PCNT: variants seen among roughly 807,000 people sequenced by gnomAD.
The protein encoded by PCNT is kendrin.
Under a neutral mutation model 380.4 loss-of-function variants are expected in PCNT, and 319 were observed. The ratio of observed to expected loss-of-function variants is 0.84; its 90% CI spans 0.77 to 0.92. PCNT has a LOEUF of 0.92. Ranked by LOEUF, PCNT falls within the 40% of genes least tolerant of loss-of-function variation. The pLI is 0.00. For synonymous variants in PCNT, 1,845 were observed against 1,735.2 expected, an observed-to-expected ratio of 1.06 and a Z score of -1.57; for missense variants, 4,400 against 4,255.3, an observed-to-expected ratio of 1.03 and a Z score of -0.95.
chr21:46,424,070 G>T (rs952213851), intron 32 of PCNT, among the ~76,000 whole-genome samples: 22 of 152,306 alleles, frequency 1.4e-4, no homozygotes, highest in African/African-American at 5.1e-4. Context: ...GGAGCTGGGT[G>T]CTTGCCCCAC....
At chr21:46,444,604 C>A in intron 45 of PCNT, 90 bp from the exon 46 acceptor site, 1 of 1,464,830 alleles carries the variant, frequency 6.8e-7, no homozygotes, top group African/African-American at 1.4e-5. Flanking sequence ...TGGTGCCTTT[C>A]TTCTGCACTC....
At chr21:46,404,379 T>G (rs147282060) in intron 27 of PCNT, among the ~76,000 whole-genome samples, 1 of 142,562 alleles carries the variant, frequency 7.0e-6, no homozygotes, top group Non-Finnish European at 1.6e-5. Context: ...TGTTTTGATA[T>G]GGTTGTTGTT....
Position 46,353,094 on chromosome 21 carries a change from T to C in PCNT, c.1457-10T>C, listed in dbSNP as rs781522568. 6.2e-7 allele frequency: 1 copy of C among 1,609,582 alleles called. No individual in the cohort carries two copies. Among genetic ancestry groups the C allele is most frequent in the East Asian group, 2.2e-5 (1 of 44,872 alleles). On this transcript the variant is annotated splice_polypyrimidine_tract_variant and intron_variant, in intron 9 of 46. Coordinates refer to ENST00000359568, the MANE Select transcript of PCNT (RefSeq NM_006031.6). ...TTTTAAGACGATTGCCTGACTCCGT[T>C]ATGTTGCAGAGCTACATGAGCAACT...
intron 44 of PCNT, 164 bp downstream of exon 44, chr21:46,442,737 C>T (rs1369311639): frequency 5.9e-6 from 4 of 674,490 alleles, no homozygotes; most frequent in Non-Finnish European, 1.1e-5. Flanking sequence ...GAAGGCGCGC[C>T]CGGCGTAGGG....
intron 26 of PCNT, 84 bp downstream of exon 26, chr21:46,401,805 A>G (rs1014490782): frequency 7.8e-7 from 1 of 1,284,744 alleles, no homozygotes; most frequent in Non-Finnish European, 1.1e-6. Flanking sequence ...ATGTCCAGAT[A>G]ACACAGGCGA....
At chr21:46,389,565 C>A in intron 19 of PCNT, 134 bp downstream of exon 19, 1 of 675,444 alleles carries the variant, frequency 1.5e-6, no homozygotes, top group South Asian at 1.9e-5. Context: ...TTTTCTGAAC[C>A]AGATCTTTGA....
rs777167312 is a variant in PCNT, at chr21:46,430,668, G to A, written c.8064+11G>A. 5 of 1,565,626 alleles carry A rather than the reference G, an allele frequency of 3.2e-6. No individual in the cohort carries two copies. The highest frequency in any genetic ancestry group is 2.4e-5 in the East Asian group (1 of 42,466). ...GCCAAGGCCCTGGAGGTAACAGGGT[G>A]TCAGGGCAAGGCAGCCGGCATGGGC... On this transcript the variant is annotated intron_variant, in intron 37 of 46. Transcript: ENST00000359568.
chr21:46,445,532 G>C lies in PCNT; in HGVS notation c.*205G>C. ...AGCATTTTCTATGGAGCCTCCGTATGTTTTAGGCCCATGACCTTCGTGAGG... is the reference window on the plus strand; with the variant it reads ...AGCATTTTCTATGGAGCCTCCGTATCTTTTAGGCCCATGACCTTCGTGAGG... On this transcript the variant is annotated 3_prime_UTR_variant, in exon 47 of 47. Coordinates refer to ENST00000359568, the MANE Select transcript of PCNT (RefSeq NM_006031.6). The C allele has an allele frequency of 1.6e-6, 1 of 610,904 alleles. No homozygotes were observed. Among genetic ancestry groups the C allele is most frequent in the Non-Finnish European group, 2.9e-6 (1 of 341,762 alleles). 37.8% of individuals were successfully genotyped at this position (610,904 alleles called of 1,614,324 possible).
intron 3 of PCNT, among the ~76,000 whole-genome samples, chr21:46,340,971 C>T (rs1047495245): frequency 2.6e-4 from 39 of 152,320 alleles, no homozygotes; most frequent in African/African-American, 9.1e-4. Flanking sequence ...GCAACCTCTG[C>T]CTCCCAGGTT....
rs777887250 is a variant in PCNT, at chr21:46,411,541, G to A, written c.5468G>A (p.Arg1823His). The change falls in exon 28 of 47, where the codon CGC becomes CAC. Residue 1823 changes from arginine to histidine, a missense_variant. By Grantham distance (29) the Arg-to-His change is conservative. Coordinates refer to ENST00000359568, the MANE Select transcript of PCNT (RefSeq NM_006031.6). ...CAGGCCCTGGAGGCCCTGCAGCAGC[G>A]CCTCCAGGGCGCAGAGGAGGCTGCG... ...HSQALEALQQRLQGAEEAAEL... is the reference protein window; with the variant it reads ...HSQALEALQQHLQGAEEAAEL... 44 of 1,611,012 alleles carry A rather than the reference G, an allele frequency of 2.7e-5. No homozygotes were observed. The highest frequency in any genetic ancestry group is 9.9e-5 in the South Asian group (9 of 91,046).
chr21:46,432,243 C>T, intron 38 of PCNT, 28 bp downstream of exon 38: 2 of 1,582,264 alleles, frequency 1.3e-6, no homozygotes, highest in Non-Finnish European at 1.7e-6. Flanking sequence ...GCGGAGCGTC[C>T]ACACCTAAAA....
At position 46,404,978 on chromosome 21, in the gene PCNT, C is replaced by T. The variant is rs528717953; in HGVS notation, c.5115+2495C>T. Among the ~76,000 whole-genome samples, 19 of 152,248 alleles carry T rather than the reference C, an allele frequency of 1.2e-4. No individual in the cohort carries two copies. The South Asian group carries it at 3.7e-3, about 30-fold the overall frequency. On this transcript the variant is annotated intron_variant, in intron 27 of 46. Coordinates refer to ENST00000359568, the MANE Select transcript of PCNT (RefSeq NM_006031.6). Reference sequence around the variant, plus strand: ...ATGGCCGGGCACAGTGGCTCTCACACCTGTAATCCCAGGAGTTTGGGAACC... The same window carrying T: ...ATGGCCGGGCACAGTGGCTCTCACATCTGTAATCCCAGGAGTTTGGGAACC...
Position 46,422,422 on chromosome 21 carries a change from C to T in PCNT, c.7179+298C>T, listed in dbSNP as rs60495355. 0.18 allele frequency among the ~76,000 whole-genome samples: 26,960 copies of T among 151,892 alleles called. 2,785 individuals carry two copies. Among genetic ancestry groups the T allele is most frequent in the African/African-American group, 0.26 (10,947 of 41,328 alleles). ...GCAGAGCCGGCCTGTGCCTCTCTCC[C>T]GCCTGTGCCTCCCTCCTGCCTGTGC... On this transcript the variant is annotated intron_variant, in intron 32 of 46. Transcript: ENST00000359568.
intron 2 of PCNT, among the ~76,000 whole-genome samples, chr21:46,333,303 G>A (rs1395038944): frequency 4.0e-5 from 6 of 150,672 alleles, no homozygotes; most frequent in Admixed American, 6.6e-5. Flanking sequence ...ATGGTGGCAC[G>A]CGCCTGTAGT....
rs1057522262 is a variant in PCNT, at chr21:46,353,287, G to A, written c.1640G>A (p.Gly547Glu). Reference sequence around the variant, plus strand: ...ACCCTGTTACAGCAGAGGCTGCAGGGGGCGAGGGAAGATGCTCTTCTGGAC... The same window carrying A: ...ACCCTGTTACAGCAGAGGCTGCAGGAGGCGAGGGAAGATGCTCTTCTGGAC... ...DLTLLQQRLQ[G>E]AREDALLDSV... Residue 547 changes from glycine (G) to glutamate (E), a missense_variant, in exon 10 of 47, where the codon GGG (glycine) becomes GAG (glutamate). Gly to Glu is a moderately conservative substitution (Grantham distance 98). Transcript: ENST00000359568. The A allele has an allele frequency of 6.2e-7, 1 of 1,614,150 alleles. No homozygotes were observed. Among genetic ancestry groups the A allele is most frequent in the East Asian group, 2.2e-5 (1 of 44,888 alleles).
rs1240863388 is a variant in PCNT at position 46,432,180 on chromosome 21, C to G, written c.8716C>G (p.Gln2906Glu). Residue 2906 changes from glutamine (Q) to glutamate (E), a missense_variant, in exon 38 of 47, where the codon CAG becomes GAG. By Grantham distance (29) the Gln-to-Glu change is conservative. Transcript: ENST00000359568. Reference protein sequence around the residue: ...EARQSPAAAEQWRKWQRDKEK... With the variant: ...EARQSPAAAEEWRKWQRDKEK... Reference sequence around the variant, plus strand: ...CAGGCAGAGCCCAGCGGCTGCGGAGCAGTGGAGGAAGTGGCAGAGAGACAA... The same window carrying G: ...CAGGCAGAGCCCAGCGGCTGCGGAGGAGTGGAGGAAGTGGCAGAGAGACAA... 6.2e-7 allele frequency: 1 copy of G among 1,612,660 alleles called. No homozygotes were observed. Among genetic ancestry groups the G allele is most frequent in the East Asian group, 2.2e-5 (1 of 44,882 alleles).
At chr21:46,398,783 G>A (rs1569251729) in intron 24 of PCNT, among the ~76,000 whole-genome samples, 3 of 149,660 alleles carry the variant, frequency 2.0e-5, no homozygotes, top group African/African-American at 7.4e-5. Context: ...TGTTCTTTAT[G>A]TTGCTGAGAA....
chr21:46,327,479 C>T (rs1693896759), intron 2 of PCNT, among the ~76,000 whole-genome samples: 1 of 151,986 alleles, frequency 6.6e-6, no homozygotes, highest in East Asian at 1.9e-4. Context: ...CAGGTCACTG[C>T]AGCCTCAAAC....
rs1017364990 is a variant in PCNT at position 46,445,527 on chromosome 21, C to T, written c.*200C>T. On this transcript the variant is annotated 3_prime_UTR_variant, in exon 47 of 47. Coordinates refer to ENST00000359568, the MANE Select transcript of PCNT (RefSeq NM_006031.6). ...GCTGGAGCATTTTCTATGGAGCCTC[C>T]GTATGTTTTAGGCCCATGACCTTCG... The T allele has an allele frequency of 9.7e-6, 6 of 619,420 alleles. No individual in the cohort carries two copies. The highest frequency in any genetic ancestry group is 2.6e-5 in the Admixed American group (1 of 37,822). The allele number at this position is 619,420 out of a possible 1,614,324, so 38.4% of individuals were successfully genotyped here. A position where few individuals can be genotyped will look rare whatever the true frequency, so the allele number is the denominator to read the frequency against.
Sources: allele counts gnomAD v4.1 joint callset (sites outside exome capture counted in the v4.1 genomes callset), GRCh38; gene constraint gnomAD v4.1.1; transcripts MANE v1.5; gene names NCBI Gene and HGNC (gene_info 2026-07-23, HGNC 2026-07-21).